Variants in PIN1 observed in about 807,000 individuals in gnomAD.
PIN1 encodes peptidylprolyl cis/trans isomerase, NIMA-interacting 1.
Under a neutral mutation model 19.9 loss-of-function variants are expected in PIN1, and 8 were observed. The ratio of observed to expected loss-of-function variants is 0.40; its 90% confidence interval spans 0.24 to 0.72. PIN1 has a LOEUF of 0.72. Among genes scored for constraint, PIN1 ranks in the 30% least tolerant of loss-of-function variants. PIN1 has a pLI of 0.37. For missense variants in PIN1, 185 were observed against 226.5 expected, an observed-to-expected ratio of 0.82 and a Z score of 1.18; for synonymous variants, 86 against 90.8, an observed-to-expected ratio of 0.95 and a Z score of 0.30.
intron 1 of PIN1, 28 bp downstream of exon 1, chr19:9,835,430 G>T: frequency 7.0e-7 from 1 of 1,434,924 alleles, no homozygotes; most frequent in South Asian, 1.3e-5. Flanking sequence ...GCTGGGGCGG[G>T]ACTGCGCGGG....
Position 9,849,452 on chromosome 19 carries a change from C to T in PIN1, c.*253C>T. ...AATTGACTTCAGCAGGGGTGGGAGG[C>T]TCCCAGACCCAGGGCAGTGTGGTGG... is the stretch of plus-strand genomic sequence containing the variant. On this transcript the variant is annotated 3_prime_UTR_variant, in exon 4 of 4. Transcript: ENST00000247970. 1.4e-6 allele frequency: 1 copy of T among 729,036 alleles called. No individual in the cohort carries two copies. Among genetic ancestry groups the T allele is most frequent in the Non-Finnish European group, 2.5e-6 (1 of 394,742 alleles). The allele number at this position is 729,036 out of a possible 1,614,324, so 45.2% of individuals were successfully genotyped here. A position where few individuals can be genotyped will look rare whatever the true frequency, so the allele number is the denominator to read the frequency against.
chr19:9,849,599 A>G lies in PIN1; in HGVS notation c.*400A>G. 1 of 540,336 alleles carries G rather than the reference A, an allele frequency of 1.9e-6. No homozygotes were observed. 33.5% of individuals were successfully genotyped at this position (540,336 alleles called of 1,614,324 possible). A position where few individuals can be genotyped will look rare whatever the true frequency, so the allele number is the denominator to read the frequency against. The stretch of plus-strand genomic sequence containing the variant: ...GCCACGCTCCTCTGTTCAGTCGCAA[A>G]GGTGAACACTCATGCGGCCCAGCCA... On this transcript the variant is annotated 3_prime_UTR_variant, in exon 4 of 4. Transcript: ENST00000247970.
chr19:9,849,458 G>A lies in PIN1; in HGVS notation c.*259G>A. ...CTTCAGCAGGGGTGGGAGGCTCCCA[G>A]ACCCAGGGCAGTGTGGTGGGAGGGG... On this transcript the variant is annotated 3_prime_UTR_variant, in exon 4 of 4. Transcript: ENST00000247970. 1 of 725,668 alleles carries A rather than the reference G, an allele frequency of 1.4e-6. No individual in the cohort carries two copies. 45.0% of individuals were successfully genotyped at this position (725,668 alleles called of 1,614,324 possible). A position where few individuals can be genotyped will look rare whatever the true frequency, so the allele number is the denominator to read the frequency against.
chr19:9,847,481 C>T (rs1278621135), intron 2 of PIN1, among the ~76,000 whole-genome samples: 1 of 152,208 alleles, frequency 6.6e-6, no homozygotes, highest in Non-Finnish European at 1.5e-5. Flanking sequence ...CACCAGGGTG[C>T]CTTGGAGGCC....
intron 2 of PIN1, among the ~76,000 whole-genome samples, chr19:9,839,110 T>C (rs1261272790): frequency 1.3e-5 from 2 of 152,106 alleles, no homozygotes; most frequent in African/African-American, 2.4e-5. Flanking sequence ...GTCATAAACA[T>C]AGGTGGATCC....
chr19:9,843,755 A>G (rs1214976963), intron 2 of PIN1, among the ~76,000 whole-genome samples: 1 of 152,070 alleles, frequency 6.6e-6, no homozygotes, highest in Non-Finnish European at 1.5e-5. Flanking sequence ...TCTTATAAGG[A>G]CACTAATCCT....
intron 2 of PIN1, among the ~76,000 whole-genome samples, chr19:9,841,894 G>A (rs2046170446): frequency 6.6e-6 from 1 of 152,188 alleles, no homozygotes; most frequent in Non-Finnish European, 1.5e-5. Context: ...CAGCAGAGCA[G>A]CCAGGCGCAG....
chr19:9,836,818 A>T (rs2046111381), intron 1 of PIN1: 1 of 1,286,692 alleles, frequency 7.8e-7, no homozygotes, highest in African/African-American at 1.5e-5. Context: ...GTGTGCCTGG[A>T]ACAGAGTAAA....
chr19:9,840,174 G>A (rs982831039), intron 2 of PIN1, among the ~76,000 whole-genome samples: 4 of 152,178 alleles, frequency 2.6e-5, no homozygotes, highest in African/African-American at 9.7e-5. Flanking sequence ...GGATCACGAA[G>A]TCAGGAGATC....
Position 9,846,855 on chromosome 19 carries a change from A to G in PIN1, c.272-1175A>G, listed in dbSNP as rs2046224872. Among the ~76,000 whole-genome samples, 1 of 152,156 alleles carries G rather than the reference A, an allele frequency of 6.6e-6. No individual in the cohort carries two copies. Among genetic ancestry groups the G allele is most frequent in the East Asian group, 1.9e-4 (1 of 5,184 alleles). On this transcript the variant is annotated intron_variant, in intron 2 of 3. Coordinates refer to ENST00000247970, the MANE Select transcript of PIN1 (RefSeq NM_006221.4). This position sits in a 1 kb window ranked among gnomAD's most constrained non-coding sequence, Gnocchi z 5.9. Reference sequence around the variant, plus strand: ...TAAGAAACCCCCTACTGAGTGTGTCAGGGTGACCTTCACGTTGGAGAGAAG... The same window carrying G: ...TAAGAAACCCCCTACTGAGTGTGTCGGGGTGACCTTCACGTTGGAGAGAAG...
At chr19:9,840,663 A>C (rs1016650309) in intron 2 of PIN1, among the ~76,000 whole-genome samples, 8 of 152,138 alleles carry the variant, frequency 5.3e-5, no homozygotes, top group African/African-American at 1.9e-4. Context: ...TGCAGTGTTC[A>C]TAGCTCACTG....
At chr19:9,839,594 C>G (rs1009801422) in intron 2 of PIN1, among the ~76,000 whole-genome samples, 12 of 152,302 alleles carry the variant, frequency 7.9e-5, no homozygotes, top group African/African-American at 2.9e-4. Context: ...CAGTCTCTAT[C>G]AGCTCTGCTT....
intron 2 of PIN1, 59 bp from the exon 3 acceptor site, chr19:9,847,967 CCTGT>C: frequency 9.8e-7 from 1 of 1,020,884 alleles, no homozygotes; most frequent in Non-Finnish European, 1.6e-6. Context: ...AGTCCTCCAT[CCTGT>C]CTGGTCAGGC....
Position 9,838,290 on chromosome 19 carries a change from C to A in PIN1, c.59-146C>A, listed in dbSNP as rs551006165. ...GCCACATTGGCCCACGTCTGGAGAG[C>A]CTGTGGCACATGGTGGATACACCAT... On this transcript the variant is annotated intron_variant, in intron 1 of 3. Transcript: ENST00000247970. The surrounding 1 kb of genome is among the most constrained non-coding windows in gnomAD (Gnocchi z 5.8). 3 of 717,904 alleles carry A rather than the reference C, an allele frequency of 4.2e-6. No homozygotes were observed. The highest frequency in any genetic ancestry group is 7.7e-6 in the Non-Finnish European group (3 of 390,868). The allele number at this position is 717,904 out of a possible 1,614,324, so 44.5% of individuals were successfully genotyped here. A position where few individuals can be genotyped will look rare whatever the true frequency, so the allele number is the denominator to read the frequency against.
At position 9,838,300 on chromosome 19, in the gene PIN1, A is replaced by G. The variant is rs767218432; in HGVS notation, c.59-136A>G. On this transcript the variant is annotated intron_variant, in intron 1 of 3. Coordinates refer to ENST00000247970, the MANE Select transcript of PIN1 (RefSeq NM_006221.4). This position sits in a 1 kb window ranked among gnomAD's most constrained non-coding sequence, Gnocchi z 5.8. ...CCCACGTCTGGAGAGCCTGTGGCAC[A>G]TGGTGGATACACCATGGATTTGTTG... The G allele has an allele frequency of 1.2e-4, 90 of 732,136 alleles. No individual in the cohort carries two copies. The highest frequency in any genetic ancestry group is 3.8e-4 in the Admixed American group (19 of 49,800). The allele number at this position is 732,136 out of a possible 1,614,324, so 45.4% of individuals were successfully genotyped here.
chr19:9,848,197 A>ACG, intron 3 of PIN1, 57 bp downstream of exon 3: 1 of 1,067,668 alleles, frequency 9.4e-7, no homozygotes, highest in Non-Finnish European at 1.5e-6. Context: ...TGAGGGGTAG[A>ACG]GGCCAGGAGG....
At chr19:9,849,013 G>A (rs960087092) in intron 3 of PIN1, 77 bp from the exon 4 acceptor site, 99 of 852,876 alleles carry the variant, frequency 1.2e-4, no homozygotes, top group Non-Finnish European at 1.8e-4. Flanking sequence ...CATCTGTCGC[G>A]GCTGCCACCC....
At chr19:9,847,307 G>A (rs1282142546) in intron 2 of PIN1, among the ~76,000 whole-genome samples, 1 of 152,126 alleles carries the variant, frequency 6.6e-6, no homozygotes, top group Non-Finnish European at 1.5e-5. Context: ...GGCCTCCTCC[G>A]CCTCCTGGAG....
At chr19:9,848,333 C>CT in intron 3 of PIN1, 193 bp downstream of exon 3, 3 of 601,318 alleles carry the variant, frequency 5.0e-6, no homozygotes, top group Non-Finnish European at 8.9e-6. Flanking sequence ...GGGAGGGGGG[C>CT]TGCAGCACTT....
Sources: allele counts gnomAD v4.1 joint callset (sites outside exome capture counted in the v4.1 genomes callset), GRCh38; gene constraint gnomAD v4.1.1; non-coding constraint Gnocchi (gnomAD v3.1); transcripts MANE v1.5; gene names NCBI Gene and HGNC (gene_info 2026-07-23, HGNC 2026-07-21).